SEPTIN6: variants seen among roughly 807,000 people sequenced by gnomAD.
The protein encoded by SEPTIN6 is septin 6.
SEPTIN6 carries 8 observed loss-of-function variants against 33.6 expected under a neutral mutation model. The ratio of observed to expected loss-of-function variants is 0.24; its 90% CI spans 0.14 to 0.43. SEPTIN6 has a LOEUF of 0.43. Among genes scored for constraint, SEPTIN6 ranks in the 20% least tolerant of loss-of-function variants. The pLI is 1.00. For missense variants in SEPTIN6, 250 were observed against 340.8 expected, an observed-to-expected ratio of 0.73 and a Z score of 2.10; for synonymous variants, 131 against 140.0, an observed-to-expected ratio of 0.94 and a Z score of 0.45.
intron 3 of SEPTIN6, among the ~76,000 whole-genome samples, chrX:119,659,167 C>T (rs746862837): frequency 9.0e-6 from 1 of 111,575 alleles, no homozygotes; most frequent in African/African-American, 3.2e-5. Context: ...GAGAGGGTCT[C>T]GTTTTATTTT....
chrX:119,663,254 C>T (rs983809353), intron 3 of SEPTIN6, among the ~76,000 whole-genome samples: 17 of 111,680 alleles, frequency 1.5e-4, no homozygotes, highest in African/African-American at 4.9e-4. Flanking sequence ...CCCATGTATA[C>T]TAGAAAGACA....
At chrX:119,629,230 C>T in intron 9 of SEPTIN6, 88 bp downstream of exon 9, 3 of 950,682 alleles carry the variant, frequency 3.2e-6, no homozygotes, top group Non-Finnish European at 4.4e-6. Flanking sequence ...GGTCACCAGT[C>T]CTCAGCCCCT....
chrX:119,676,464 C>CAA (rs36057688), intron 1 of SEPTIN6, among the ~76,000 whole-genome samples: 6,936 of 84,400 alleles, frequency 0.082, 275 homozygotes, highest in South Asian at 0.23. Context: ...AACTCTGTCT[C>CAA]AAAAAAAAAA....
At chrX:119,625,028 A>C (rs1041149509) in intron 10 of SEPTIN6, among the ~76,000 whole-genome samples, 1 of 111,383 alleles carries the variant, frequency 9.0e-6, no homozygotes, top group African/African-American at 3.3e-5. Context: ...ATGGCTCTTT[A>C]AGAAAAAAAC....
Position 119,617,022 on chromosome X carries a change from A to T in SEPTIN6, c.*3071T>A. The T allele has an allele frequency of 1.0e-6, 1 of 966,049 alleles. No individual in the cohort carries two copies. The highest frequency in any genetic ancestry group is 1.3e-6 in the Non-Finnish European group (1 of 769,630). 79.6% of individuals were successfully genotyped at this position (966,049 alleles called of 1,213,427 possible). A position where few individuals can be genotyped will look rare whatever the true frequency, so the allele number is the denominator to read the frequency against. Reference sequence around the variant, plus strand: ...GAATGCCAAATGATTAAAACAAAAAAACAAAAACAAGAGCCATCTACACTG... The same window carrying T: ...GAATGCCAAATGATTAAAACAAAAATACAAAAACAAGAGCCATCTACACTG... On this transcript the variant is annotated 3_prime_UTR_variant, in exon 11 of 11. Transcript: ENST00000394610.
chrX:119,670,707 G>A (rs2054730109), intron 2 of SEPTIN6, among the ~76,000 whole-genome samples: 1 of 109,834 alleles, frequency 9.1e-6, no homozygotes, highest in South Asian at 3.9e-4. Context: ...GGGAGGCCGA[G>A]GCAGGCAGAT....
At chrX:119,644,396 T>C (rs1278444555) in intron 5 of SEPTIN6, among the ~76,000 whole-genome samples, 3 of 98,095 alleles carry the variant, frequency 3.1e-5, no homozygotes, top group Non-Finnish European at 6.1e-5. Context: ...TTATCAACAA[T>C]AGAAATTTAT....
intron 1 of SEPTIN6, chrX:119,686,426 G>A (rs28687759): frequency 0.2 from 56,781 of 277,754 alleles, 5,800 homozygotes; most frequent in African/African-American, 0.53. Context: ...GCCTCTCGCT[G>A]AGAAGGCCTG....
At chrX:119,657,975 A>T (rs1007897287) in intron 3 of SEPTIN6, among the ~76,000 whole-genome samples, 3 of 111,061 alleles carry the variant, frequency 2.7e-5, no homozygotes, top group Non-Finnish European at 5.7e-5. Flanking sequence ...AATACAAAAA[A>T]AATTAGCCGG....
At chrX:119,673,300 C>T (rs934629144) in intron 2 of SEPTIN6, among the ~76,000 whole-genome samples, 1 of 110,825 alleles carries the variant, frequency 9.0e-6, no homozygotes, top group Non-Finnish European at 1.9e-5. Context: ...GAGGTTGAGG[C>T]TGCAGTGAGC....
chrX:119,689,085 G>A (rs770326252), intron 1 of SEPTIN6, among the ~76,000 whole-genome samples: 1 of 111,526 alleles, frequency 9.0e-6, no homozygotes, highest in Non-Finnish European at 1.9e-5. Flanking sequence ...AACTTTGTAG[G>A]GCAAAGTTAG....
chrX:119,618,028 TAAGCGTGAATTTCTGGGA>T lies in SEPTIN6; in HGVS notation c.*2047_*2064del. On this transcript the variant is annotated 3_prime_UTR_variant, in exon 11 of 11. Coordinates refer to ENST00000394610, the MANE Select transcript of SEPTIN6 (RefSeq NM_145799.4). ...AAGTGGTGGTTACCGGTTGGTTGTT[TAAGCGTGAATTTCTGGGA>T]AAGCAGCTCTGAAGCTGGACATAGA... 1 of 806,536 alleles carries T rather than the reference TAAGCGTGAATTTCTGGGA, an allele frequency of 1.2e-6. No individual in the cohort carries two copies. Among genetic ancestry groups the T allele is most frequent in the Admixed American group, 7.5e-5 (1 of 13,256 alleles). The allele number at this position is 806,536 out of a possible 1,213,427, so 66.5% of individuals were successfully genotyped here.
intron 3 of SEPTIN6, among the ~76,000 whole-genome samples, chrX:119,660,515 C>T (rs754576230): frequency 1.8e-5 from 2 of 111,730 alleles, no homozygotes; most frequent in Admixed American, 1.9e-4. Context: ...GCCTCTGAGG[C>T]GCAGTATCTG....
chrX:119,658,318 T>TC (rs1490399250), intron 3 of SEPTIN6, among the ~76,000 whole-genome samples: 12 of 111,897 alleles, frequency 1.1e-4, no homozygotes, highest in Non-Finnish European at 2.3e-4. Flanking sequence ...CTTCTTTTTT[T>TC]CACTTAACAA....
Position 119,686,353 on chromosome X carries a change from G to A in SEPTIN6, c.30+6723C>T, listed in dbSNP as rs367914916. Among the ~76,000 whole-genome samples, 6 of 111,928 alleles carry A rather than the reference G, an allele frequency of 5.4e-5. No homozygotes were observed. In the East Asian group the frequency reaches 1.4e-3, roughly 26 times the overall value. On this transcript the variant is annotated intron_variant, in intron 1 of 10. Coordinates refer to ENST00000394610, the MANE Select transcript of SEPTIN6 (RefSeq NM_145799.4). Reference sequence around the variant, plus strand: ...GGCCAGGAAAACAGAGTTCTGCCCCGTTACCCCAGGGCCTTCATTCCGGGT... The same window carrying A: ...GGCCAGGAAAACAGAGTTCTGCCCCATTACCCCAGGGCCTTCATTCCGGGT...
chrX:119,662,205 A>G (rs2054560239), intron 3 of SEPTIN6, among the ~76,000 whole-genome samples: 1 of 111,767 alleles, frequency 8.9e-6, no homozygotes, highest in Non-Finnish European at 1.9e-5. Flanking sequence ...ACATGTGTCC[A>G]TGGTTGGAAC....
chrX:119,627,870 G>C (rs1215275386), intron 9 of SEPTIN6, among the ~76,000 whole-genome samples: 1 of 92,492 alleles, frequency 1.1e-5, no homozygotes, highest in East Asian at 3.5e-4. Flanking sequence ...TGCTATCTTA[G>C]CTCACTGCAA....
Position 119,663,657 on chromosome X carries a change from A to C in SEPTIN6, c.166T>G (p.Ser56Ala). The C allele has an allele frequency of 8.3e-7, 1 of 1,207,185 alleles. No individual in the cohort carries two copies. The highest frequency in any genetic ancestry group is 1.1e-6 in the Non-Finnish European group (1 of 892,831). Residue 56 changes from serine (S) to alanine (A), a missense_variant, in exon 3 of 11, where the codon TCC becomes GCC. Coordinates refer to ENST00000394610, the MANE Select transcript of SEPTIN6 (RefSeq NM_145799.4). The part of the protein sequence containing the change: ...LCVGETGLGK[S>A]TLMDTLFNTK... ...TTGAACAGGGTGTCCATGAGGGTGG[A>C]CTTGCCCAAACCTGTCTCTCCTGAA...
Position 119,619,886 on chromosome X carries a change from C to G in SEPTIN6, c.*207G>C, listed in dbSNP as rs74613936. On this transcript the variant is annotated 3_prime_UTR_variant, in exon 11 of 11. Transcript: ENST00000394610. Reference sequence around the variant, plus strand: ...ACATGACTGTTGGCTTCTTGACCAGCGGCCAGACATCACCCTCAGATTCTC... The same window carrying G: ...ACATGACTGTTGGCTTCTTGACCAGGGGCCAGACATCACCCTCAGATTCTC... 1 of 1,094,276 alleles carries G rather than the reference C, an allele frequency of 9.1e-7. No individual in the cohort carries two copies. The highest frequency in any genetic ancestry group is 3.8e-5 in the Admixed American group (1 of 26,340). The allele number at this position is 1,094,276 out of a possible 1,213,427, so 90.2% of individuals were successfully genotyped here.
Sources: gnomAD v4.1 joint callset for allele counts (sites outside exome capture counted in the v4.1 genomes callset) on GRCh38, gnomAD v4.1.1 for gene constraint, MANE v1.5 for transcripts, NCBI Gene and HGNC (gene_info 2026-07-23, HGNC 2026-07-21) for gene names.